The following FCER1A variants were observed in gnomAD, a reference collection of about 807,000 sequenced individuals.
FCER1A encodes high affinity immunoglobulin epsilon receptor subunit alpha.
FCER1A carries 24 observed loss-of-function variants against 23.6 expected under a neutral mutation model. The ratio of observed to expected loss-of-function variants is 1.02; its 90% CI spans 0.74 to 1.43. The LOEUF is 1.43. FCER1A is among the 40% of genes most tolerant of loss of function. The probability of loss-of-function intolerance (pLI) is 0.00; values close to 1 mark genes in which losing one functional copy is unlikely to be tolerated. For synonymous variants in FCER1A, 121 were observed against 108.8 expected, an observed-to-expected ratio of 1.11 and a Z score of -0.70; for missense variants, 318 against 294.5, an observed-to-expected ratio of 1.08 and a Z score of -0.58.
In FCER1A at chr1:159,307,786, T is replaced by A; in HGVS notation, c.628T>A (p.Leu210Met). 2 of 1,612,318 alleles carry A rather than the reference T, an allele frequency of 1.2e-6. No individual in the cohort carries two copies. Among genetic ancestry groups the A allele is most frequent in the Non-Finnish European group, 1.7e-6 (2 of 1,178,590 alleles). ...GTACTGGCTACAATTTTTTATCCCATTGTTGGTGGTGATTCTGTTTGCTGT... is the reference window on the plus strand; with the variant it reads ...GTACTGGCTACAATTTTTTATCCCAATGTTGGTGGTGATTCTGTTTGCTGT... ...EKYWLQFFIP[L>M]LVVILFAVDT... is the part of the protein sequence containing the mutation. Residue 210 changes from leucine (L) to methionine (M), a missense_variant, in exon 5 of 5, where the codon TTG (leucine) becomes ATG (methionine). Coordinates refer to ENST00000693622, the MANE Select transcript of FCER1A (RefSeq NM_001387280.1).
rs1652617105 is a variant in FCER1A at position 159,306,392 on chromosome 1, A to G, written c.589+147A>G. 5.9e-6 allele frequency: 4 copies of G among 677,460 alleles called. No homozygotes were observed. The South Asian group carries it at 7.9e-5, about 13-fold the overall frequency. The allele number at this position is 677,460 out of a possible 1,614,324, so 42.0% of individuals were successfully genotyped here. A position where few individuals can be genotyped will look rare whatever the true frequency, so the allele number is the denominator to read the frequency against. On this transcript the variant is annotated intron_variant, in intron 4 of 4. Transcript: ENST00000693622. ...CTTGCAATGAGGAGACCTGGGTGAT[A>G]GTATATATCTCAATCTCTGTTTCAA... is the stretch of plus-strand genomic sequence containing the variant.
At chr1:159,300,388 C>T (rs2102226179), upstream of FCER1A, among the ~76,000 whole-genome samples, 1 of 152,272 alleles carries the variant, frequency 6.6e-6, no homozygotes, top group Non-Finnish European at 1.5e-5. Context: ...CTGGCAAAGT[C>T]TCAACAAACT....
At chr1:159,306,711 G>A (rs899505800) in intron 4 of FCER1A, among the ~76,000 whole-genome samples, 2 of 152,144 alleles carry the variant, frequency 1.3e-5, no homozygotes, top group African/African-American at 2.4e-5. Context: ...TCAGTAAGCT[G>A]TGTGCCTGTG....
Position 159,295,573 on chromosome 1 carries a change from G to A in FCER1A, c.-60+5820G>A, listed in dbSNP as rs75151432. ...AAAATGTCCCAAATTTTATGTCACTGAATCTATTTCTAATATTCGGTCTAA... is the reference window on the plus strand; with the variant it reads ...AAAATGTCCCAAATTTTATGTCACTAAATCTATTTCTAATATTCGGTCTAA... On this transcript the variant is annotated intron_variant, in intron 1 of 5. Coordinates refer to the FCER1A transcript ENST00000368115. Among the ~76,000 whole-genome samples the A allele has an allele frequency of 3.5e-3, 538 of 152,224 alleles. 19 individuals are homozygous for A. The East Asian group carries it at 0.075, about 21-fold the overall frequency.
upstream of FCER1A, among the ~76,000 whole-genome samples, chr1:159,301,255 G>T (rs530920019): frequency 9.2e-5 from 14 of 152,082 alleles, no homozygotes; most frequent in Non-Finnish European, 1.6e-4. Flanking sequence ...TCATTTAAAA[G>T]CAATCTTTGC....
At chr1:159,292,582 G>T (rs1488454639) in intron 1 of FCER1A, among the ~76,000 whole-genome samples, 1 of 151,876 alleles carries the variant, frequency 6.6e-6, no homozygotes, top group Non-Finnish European at 1.5e-5. Context: ...CCCAATATCT[G>T]CTCAAAAAAC....
At chr1:159,296,615 G>T (rs966382861) in intron 1 of FCER1A, among the ~76,000 whole-genome samples, 5 of 152,106 alleles carry the variant, frequency 3.3e-5, no homozygotes, top group East Asian at 1.9e-4. Flanking sequence ...CGTGTTTAAG[G>T]CTCAGATAAT....
chr1:159,300,396 A>C (rs1000093390), upstream of FCER1A, among the ~76,000 whole-genome samples: 1 of 152,072 alleles, frequency 6.6e-6, no homozygotes, highest in South Asian at 2.1e-4. Context: ...GTCTCAACAA[A>C]CTGGTAAAGT....
At chr1:159,302,517 G>A in intron 1 of FCER1A, 98 bp downstream of exon 1, 2 of 883,654 alleles carry the variant, frequency 2.3e-6, no homozygotes, top group Admixed American at 3.4e-5. Context: ...CTTTTTCTAG[G>A]ACATGTGCAA....
chr1:159,304,464 G>A lies in FCER1A; in HGVS notation c.331+282G>A, dbSNP rs148725815. Among the ~76,000 whole-genome samples, 692 of 152,086 alleles carry A rather than the reference G, an allele frequency of 4.6e-3. 20 individuals are homozygous for A. In the East Asian group the frequency reaches 0.077, roughly 17 times the overall value. On this transcript the variant is annotated intron_variant, in intron 3 of 4. Transcript: ENST00000693622. Reference sequence around the variant, plus strand: ...AAAATATATATATATAAAATTAGCCGGGCGTAGTGGTGGGCACCTGTAGTC... The same window carrying A: ...AAAATATATATATATAAAATTAGCCAGGCGTAGTGGTGGGCACCTGTAGTC...
chr1:159,305,947 T>C, intron 3 of FCER1A, 41 bp from the exon 4 acceptor site: 1 of 1,575,406 alleles, frequency 6.3e-7, no homozygotes, highest in East Asian at 2.3e-5. Context: ...CTCTCTCTCT[T>C]CATTTATTGT....
intron 1 of FCER1A, among the ~76,000 whole-genome samples, chr1:159,293,933 G>T (rs1441819887): frequency 6.6e-6 from 1 of 151,734 alleles, no homozygotes; most frequent in African/African-American, 2.4e-5. Context: ...CTTCTCAAAA[G>T]AAGACATTTA....
rs896007922 is a variant in FCER1A at position 159,306,100 on chromosome 1, T to C, written c.444T>C (p.Asp148=). 2 of 1,614,160 alleles carry C rather than the reference T, an allele frequency of 1.2e-6. No homozygotes were observed. Among genetic ancestry groups the C allele is most frequent in the East Asian group, 2.2e-5 (1 of 44,870 alleles). The change falls in exon 4 of 5, where the codon GAT becomes GAC. Residue 148 remains aspartate, a synonymous_variant. Transcript: ENST00000693622. The stretch of plus-strand genomic sequence containing the variant: ...TGTACAAGGTGATCTATTATAAGGA[T>C]GGTGAAGCTCTCAAGTACTGGTATG... ...WDVYKVIYYK[D]GEALKYWYEN... is the part of the protein sequence containing the mutation.
chr1:159,308,166 A>G lies in FCER1A; in HGVS notation c.*234A>G, dbSNP rs1323088636. Reference sequence around the variant, plus strand: ...AGATTCATTTATTAGCATTTGTAAAAGAGATGTTCAATTTCAATAAAATAA... The same window carrying G: ...AGATTCATTTATTAGCATTTGTAAAGGAGATGTTCAATTTCAATAAAATAA... On this transcript the variant is annotated 3_prime_UTR_variant, in exon 5 of 5. Coordinates refer to ENST00000693622, the MANE Select transcript of FCER1A (RefSeq NM_001387280.1). 2.4e-6 allele frequency: 1 copy of G among 409,900 alleles called. No homozygotes were observed. Among genetic ancestry groups the G allele is most frequent in the Non-Finnish European group, 4.3e-6 (1 of 230,370 alleles). The allele number at this position is 409,900 out of a possible 1,614,324, so 25.4% of individuals were successfully genotyped here.
At chr1:159,294,603 C>T (rs896775320) in intron 1 of FCER1A, among the ~76,000 whole-genome samples, 1 of 152,206 alleles carries the variant, frequency 6.6e-6, no homozygotes, top group Non-Finnish European at 1.5e-5. Context: ...AGAAAGTCTT[C>T]TCCCCAAGGG....
intron 2 of FCER1A, 121 bp from the exon 3 acceptor site, chr1:159,303,806 GA>G (rs1652513007): frequency 1.3e-6 from 1 of 744,126 alleles, no homozygotes. Context: ...ATCACCAACA[GA>G]ATAAGGACAG....
In FCER1A at chr1:159,306,221, C is replaced by A; in HGVS notation, c.565C>A (p.Pro189Thr). Residue 189 changes from proline to threonine, a missense_variant, in exon 4 of 5, where the codon CCC becomes ACC. Transcript: ENST00000693622. ...KVWQLDYESEPLNITVIKAPR... is the reference protein window; with the variant it reads ...KVWQLDYESETLNITVIKAPR... ...GTGGCAGCTGGACTATGAGTCTGAG[C>A]CCCTCAACATTACTGTAATAAAAGG... The A allele has an allele frequency of 6.2e-7, 1 of 1,613,926 alleles. No homozygotes were observed. Among genetic ancestry groups the A allele is most frequent in the Middle Eastern group, 1.7e-4 (1 of 5,972 alleles).
chr1:159,297,190 C>T (rs1652316738), intron 1 of FCER1A, among the ~76,000 whole-genome samples: 2 of 152,158 alleles, frequency 1.3e-5, no homozygotes, highest in Non-Finnish European at 2.9e-5. Context: ...TCGTACCACA[C>T]CTGAAAATGA....
At chr1:159,306,449 C>T (rs779646585) in intron 4 of FCER1A, among the ~76,000 whole-genome samples, 1 of 152,160 alleles carries the variant, frequency 6.6e-6, no homozygotes, top group African/African-American at 2.4e-5. Flanking sequence ...GATAGTAATA[C>T]CTGCTTGCAC....
Sources: gnomAD v4.1 joint callset for allele counts (sites outside exome capture counted in the v4.1 genomes callset) on GRCh38, gnomAD v4.1.1 for gene constraint, MANE v1.5 for transcripts, NCBI Gene and HGNC (gene_info 2026-07-23, HGNC 2026-07-21) for gene names.